The following CAMKK1 variants were observed in gnomAD, a reference collection of about 807,000 sequenced individuals.
CAMKK1 encodes the protein calcium/calmodulin-dependent protein kinase kinase 1.
Under a neutral mutation model 63.5 loss-of-function variants are expected in CAMKK1, and 20 were observed. The observed-to-expected ratio is 0.32, with a 90% confidence interval of 0.22 to 0.46. The LOEUF is 0.46. Among genes scored for constraint, CAMKK1 ranks in the 20% least tolerant of loss-of-function variants. The probability of loss-of-function intolerance (pLI) is 1.00; values close to 1 mark genes in which losing one functional copy is unlikely to be tolerated. For missense variants in CAMKK1, 588 were observed against 658.1 expected (o/e 0.89, Z 1.17); for synonymous variants, 253 against 269.0 (o/e 0.94, Z 0.58).
chr17:3,876,304 A>C lies in CAMKK1; in HGVS notation c.915T>G (p.Ala305=), dbSNP rs2055149206. 1.9e-6 allele frequency: 3 copies of C among 1,614,218 alleles called. No individual in the cohort carries two copies. Among genetic ancestry groups the C allele is most frequent in the African/African-American group, 2.7e-5 (2 of 75,062 alleles). Residue 305 remains alanine (A), a synonymous_variant, in exon 10 of 16, where the codon GCT becomes GCG. Transcript: ENST00000348335. ...GGGTTCCCGCCGTGCTGGACAGCTG[A>C]GCGTCGTTCCCCTCAAACTGGTTGC... ...GVSNQFEGND[A]QLSSTAGTPA... is the part of the protein sequence containing the mutation.
rs2055156541 is a variant in CAMKK1 at position 3,876,441 on chromosome 17, T to A, written c.797-19A>T. 2 of 1,610,820 alleles carry A rather than the reference T, an allele frequency of 1.2e-6. No individual in the cohort carries two copies. Among genetic ancestry groups the A allele is most frequent in the South Asian group, 2.2e-5 (2 of 91,028 alleles). On this transcript the variant is annotated intron_variant, in intron 9 of 15. Coordinates refer to ENST00000348335, the MANE Select transcript of CAMKK1 (RefSeq NM_032294.3). Reference sequence around the variant, plus strand: ...CAGTGCACTGCAGAGAAGGGGAGCTTGAGCTGAGCGCTGGCCTGGGCACCG... The same window carrying A: ...CAGTGCACTGCAGAGAAGGGGAGCTAGAGCTGAGCGCTGGCCTGGGCACCG...
rs2054357983 is a variant in CAMKK1 at position 3,862,346 on chromosome 17, T to G, written c.1446-63A>C. On this transcript the variant is annotated intron_variant, in intron 15 of 15. Transcript: ENST00000348335. The surrounding 1 kb of genome is among the most constrained non-coding windows in gnomAD (Gnocchi z 4.1). ...TCAGAATATGCACTCAGGGAGACACTCTCCCTCACACACACAGGAATCTGA... is the reference window on the plus strand; with the variant it reads ...TCAGAATATGCACTCAGGGAGACACGCTCCCTCACACACACAGGAATCTGA... 1 of 1,265,676 alleles carries G rather than the reference T, an allele frequency of 7.9e-7. No homozygotes were observed. The highest frequency in any genetic ancestry group is 2.0e-5 in the Admixed American group (1 of 50,406). The allele number at this position is 1,265,676 out of a possible 1,614,324, so 78.4% of individuals were successfully genotyped here. A position where few individuals can be genotyped will look rare whatever the true frequency, so the allele number is the denominator to read the frequency against.
At chr17:3,873,242 G>A (rs1294381948) in intron 11 of CAMKK1, among the ~76,000 whole-genome samples, 167 bp downstream of exon 11, 3 of 152,176 alleles carry the variant, frequency 2.0e-5, no homozygotes, top group Non-Finnish European at 4.4e-5. Flanking sequence ...GAATCGCTCC[G>A]CAGGGGACCA....
chr17:3,884,206 A>G lies in CAMKK1; in HGVS notation c.408+174T>C, dbSNP rs1384507574. On this transcript the variant is annotated intron_variant, in intron 3 of 15. Transcript: ENST00000348335. The surrounding 1 kb of genome is among the most constrained non-coding windows in gnomAD (Gnocchi z 4.5). ...CTCAGAGAGTCGGGAATCAGGAGCCATCTTCCACCCTCCCCCTGGGTACCT... is the reference window on the plus strand; with the variant it reads ...CTCAGAGAGTCGGGAATCAGGAGCCGTCTTCCACCCTCCCCCTGGGTACCT... Among the ~76,000 whole-genome samples, 1 of 152,076 alleles carries G rather than the reference A, an allele frequency of 6.6e-6. No homozygotes were observed. Among genetic ancestry groups the G allele is most frequent in the Non-Finnish European group, 1.5e-5 (1 of 67,992 alleles).
intron 8 of CAMKK1, among the ~76,000 whole-genome samples, chr17:3,881,395 C>A (rs911597360): frequency 3.9e-5 from 6 of 152,202 alleles, no homozygotes; most frequent in Non-Finnish European, 7.3e-5. Flanking sequence ...TTCTTCAAGG[C>A]CTGGGTCAAA....
At chr17:3,866,110 G>T in intron 14 of CAMKK1, 99 bp from the exon 15 acceptor site, 1 of 1,423,376 alleles carries the variant, frequency 7.0e-7, no homozygotes, top group Non-Finnish European at 9.6e-7. Context: ...GGGGGCCGCA[G>T]TGCGGGTCCC....
At position 3,880,175 on chromosome 17, in the gene CAMKK1, C is replaced by A. The variant is rs75354830; in HGVS notation, c.796+171G>T. 4.7e-3 allele frequency: 2,911 copies of A among 613,014 alleles called. 45 individuals carry two copies. The highest frequency in any genetic ancestry group is 0.035 in the East Asian group (1,277 of 36,006). 38.0% of individuals were successfully genotyped at this position (613,014 alleles called of 1,614,324 possible). On this transcript the variant is annotated intron_variant, in intron 9 of 15. Transcript: ENST00000348335. ...CAGTGGAGTCCACCGCCCGCCCCACCCCACAAAAAGGCCTTTGGCCCCGCC... is the reference window on the plus strand; with the variant it reads ...CAGTGGAGTCCACCGCCCGCCCCACACCACAAAAAGGCCTTTGGCCCCGCC...
chr17:3,869,676 G>A (rs968955969), intron 13 of CAMKK1, 61 bp from the exon 14 acceptor site: 2 of 1,612,570 alleles, frequency 1.2e-6, no homozygotes, highest in South Asian at 1.1e-5. Context: ...GAATCACCTG[G>A]AGGGGTCCAA....
intron 9 of CAMKK1, 38 bp downstream of exon 9, chr17:3,880,308 T>C (rs770749532): frequency 6.4e-6 from 10 of 1,574,456 alleles, no homozygotes; most frequent in Admixed American, 1.7e-5. Flanking sequence ...CCAGATCCCC[T>C]AGCCCCAGCC....
chr17:3,884,953 C>T lies in CAMKK1; in HGVS notation c.360+375G>A, dbSNP rs1017289285. On this transcript the variant is annotated intron_variant, in intron 2 of 15. Transcript: ENST00000348335. This position sits in a 1 kb window ranked among gnomAD's most constrained non-coding sequence, Gnocchi z 4.5. Reference sequence around the variant, plus strand: ...GCCCAGAGGCTGGAGGCAGGCCGGCCGCTTCTGAGTCACAGCAGACTCTAA... The same window carrying T: ...GCCCAGAGGCTGGAGGCAGGCCGGCTGCTTCTGAGTCACAGCAGACTCTAA... Among the ~76,000 whole-genome samples the T allele has an allele frequency of 2.0e-5, 3 of 152,184 alleles. No homozygotes were observed. The highest frequency in any genetic ancestry group is 3.9e-4 in the East Asian group (2 of 5,190).
At chr17:3,876,530 T>C in intron 9 of CAMKK1, 108 bp from the exon 10 acceptor site, 1 of 947,482 alleles carries the variant, frequency 1.1e-6, no homozygotes, top group Non-Finnish European at 1.6e-6. Context: ...TCCCAGCCCA[T>C]GCACACTTTC....
At chr17:3,885,762 C>T (rs1198887413) in intron 1 of CAMKK1, 32 bp from the exon 2 acceptor site, 2 of 1,578,362 alleles carry the variant, frequency 1.3e-6, no homozygotes, top group Non-Finnish European at 1.7e-6. Flanking sequence ...GGCTTCACTC[C>T]TGGGTGTCAG....
At chr17:3,876,581 C>T (rs1160380055) in intron 9 of CAMKK1, among the ~76,000 whole-genome samples, 159 bp from the exon 10 acceptor site, 1 of 152,188 alleles carries the variant, frequency 6.6e-6, no homozygotes, top group Admixed American at 6.5e-5. Context: ...GGGCCATCTG[C>T]TCCACGCAGG....
rs553394059 is a variant in CAMKK1, at chr17:3,881,300, C to T, written c.707+327G>A. Among the ~76,000 whole-genome samples, 12 of 152,282 alleles carry T rather than the reference C, an allele frequency of 7.9e-5. No individual in the cohort carries two copies. In the South Asian group the frequency reaches 1.7e-3, roughly 21 times the overall value. On this transcript the variant is annotated intron_variant, in intron 8 of 15. Coordinates refer to ENST00000348335, the MANE Select transcript of CAMKK1 (RefSeq NM_032294.3). ...GAAAAACCCTTTGTGATTTGAATAC[C>T]GGTAAGAGTTGAGTCCCACCTCTAT...
intron 12 of CAMKK1, among the ~76,000 whole-genome samples, chr17:3,872,212 CT>C (rs1239484486): frequency 6.6e-6 from 1 of 152,224 alleles, no homozygotes; most frequent in Non-Finnish European, 1.5e-5. Flanking sequence ...TTCCCTGACC[CT>C]GAGTGGGGGA....
chr17:3,875,478 G>T (rs2055108630), intron 10 of CAMKK1, among the ~76,000 whole-genome samples: 1 of 151,726 alleles, frequency 6.6e-6, no homozygotes, highest in Non-Finnish European at 1.5e-5. Flanking sequence ...GTAGAAATGG[G>T]GTCTTGCTAT....
Position 3,883,443 on chromosome 17 carries a change from T to C in CAMKK1, c.500A>G (p.Gln167Arg), listed in dbSNP as rs1346576423. Residue 167 changes from glutamine to arginine, a missense_variant, in exon 5 of 16, where the codon CAG (glutamine) becomes CGG (arginine). Gln to Arg is a conservative substitution (Grantham distance 43). Coordinates refer to ENST00000348335, the MANE Select transcript of CAMKK1 (RefSeq NM_032294.3). The surrounding 1 kb of genome is among the most constrained non-coding windows in gnomAD (Gnocchi z 4.7). ...AAGATACATACGTGGAAAGCCATAC[T>C]GCTTCAGTAACTTCTTTTTGGAAAG... ...KVLSKKKLLK[Q>R]YGFPRRPPPR... 1 of 1,613,866 alleles carries C rather than the reference T, an allele frequency of 6.2e-7. No individual in the cohort carries two copies. Among genetic ancestry groups the C allele is most frequent in the Admixed American group, 1.7e-5 (1 of 60,008 alleles).
chr17:3,874,200 G>C (rs1009774581), intron 10 of CAMKK1, among the ~76,000 whole-genome samples: 1 of 152,088 alleles, frequency 6.6e-6, no homozygotes, highest in Non-Finnish European at 1.5e-5. Context: ...AAAATGTCAA[G>C]ATCAGGAAAG....
chr17:3,882,405 T>C lies in CAMKK1; in HGVS notation c.685+123A>G, dbSNP rs375352306. On this transcript the variant is annotated intron_variant, in intron 7 of 15. Transcript: ENST00000348335. This position sits in a 1 kb window ranked among gnomAD's most constrained non-coding sequence, Gnocchi z 4.3. ...GGAATCCAGGGCTTCAGAACGTGTGTTTTTCTTCTGTCCCCAGGAGGTCAG... is the reference window on the plus strand; with the variant it reads ...GGAATCCAGGGCTTCAGAACGTGTGCTTTTCTTCTGTCCCCAGGAGGTCAG... 1.9e-6 allele frequency: 3 copies of C among 1,594,002 alleles called. No individual in the cohort carries two copies. Among genetic ancestry groups the C allele is most frequent in the South Asian group, 1.1e-5 (1 of 90,612 alleles).
Sources: gnomAD v4.1 joint callset for allele counts (sites outside exome capture counted in the v4.1 genomes callset) on GRCh38, gnomAD v4.1.1 for gene constraint, Gnocchi (gnomAD v3.1) non-coding constraint, MANE v1.5 for transcripts, NCBI Gene and HGNC (gene_info 2026-07-23, HGNC 2026-07-21) for gene names.